The following ERCC6L2 variants were observed in gnomAD, a reference collection of about 807,000 sequenced individuals.
ERCC6L2 encodes ERCC excision repair 6 like 2.
In ERCC6L2, 77 loss-of-function variants were observed where a neutral mutation model predicts 132.0. The ratio of observed to expected loss-of-function variants is 0.58; its 90% CI spans 0.49 to 0.71. The LOEUF (loss-of-function observed/expected upper bound fraction) is 0.71. Ranked by LOEUF, ERCC6L2 falls within the 30% of genes least tolerant of loss-of-function variation. The probability of loss-of-function intolerance (pLI) is 0.00; values close to 1 mark genes in which losing one functional copy is unlikely to be tolerated. For missense variants in ERCC6L2, 1,542 were observed against 1,837.6 expected, an observed-to-expected ratio of 0.84 and a Z score of 2.94; for synonymous variants, 583 against 632.4, an observed-to-expected ratio of 0.92 and a Z score of 1.17.
chr9:95,932,157 C>T (rs577458659), intron 11 of ERCC6L2, among the ~76,000 whole-genome samples: 68 of 151,918 alleles, frequency 4.5e-4, no homozygotes, highest in African/African-American at 1.4e-3. Flanking sequence ...CTCCGCCTCC[C>T]GGATTTCAAG....
chr9:95,876,745 T>A (rs1004198198), intron 1 of ERCC6L2: 2 of 152,240 alleles, frequency 1.3e-5, no homozygotes, highest in Non-Finnish European at 2.9e-5. Context: ...GCTGATTGTT[T>A]ACTTGCTTTC....
intron 12 of ERCC6L2, among the ~76,000 whole-genome samples, chr9:95,950,669 A>T (rs1220448902): frequency 6.6e-6 from 1 of 152,198 alleles, no homozygotes; most frequent in Non-Finnish European, 1.5e-5. Flanking sequence ...GCAAATAGTA[A>T]CCAAAAGAGA....
chr9:96,026,328 G>A (rs1370452801), intron 19 of ERCC6L2, among the ~76,000 whole-genome samples: 1 of 152,206 alleles, frequency 6.6e-6, no homozygotes, highest in Non-Finnish European at 1.5e-5. Context: ...GGCAGAACCT[G>A]GCGGGAGCTC....
chr9:95,902,364 T>C (rs111391546), intron 3 of ERCC6L2, among the ~76,000 whole-genome samples: 3,590 of 152,268 alleles, frequency 0.024, 124 homozygotes, highest in African/African-American at 0.072. Context: ...GTAAAATTCA[T>C]AATTAATGCA....
chr9:95,893,195 A>G (rs929426754), intron 2 of ERCC6L2, among the ~76,000 whole-genome samples: 1 of 152,184 alleles, frequency 6.6e-6, no homozygotes, highest in East Asian at 1.9e-4. Flanking sequence ...TAAGGAATCT[A>G]AGAGTTAGGA....
chr9:96,005,179 G>A (rs1833824469), intron 18 of ERCC6L2, among the ~76,000 whole-genome samples: 1 of 152,094 alleles, frequency 6.6e-6, no homozygotes, highest in Non-Finnish European at 1.5e-5. Context: ...CGGGCGTGGT[G>A]GCGGGCACCT....
intron 4 of ERCC6L2, 63 bp downstream of exon 4, chr9:95,907,334 AAG>A: frequency 4.5e-5 from 46 of 1,011,284 alleles, no homozygotes; most frequent in Non-Finnish European, 5.6e-5. Context: ...CCTTTATATT[AAG>A]AGTTTTTTTT....
chr9:95,945,991 G>T (rs1209355402), intron 12 of ERCC6L2, among the ~76,000 whole-genome samples: 1 of 151,924 alleles, frequency 6.6e-6, no homozygotes, highest in South Asian at 2.1e-4. Flanking sequence ...AAAGACACAG[G>T]AAGTTGAAAA....
intron 17 of ERCC6L2, among the ~76,000 whole-genome samples, chr9:95,995,997 T>C (rs1319579604): frequency 6.6e-6 from 1 of 152,154 alleles, no homozygotes; most frequent in African/African-American, 2.4e-5. Flanking sequence ...GAGTCTCACA[T>C]CTCTCACATC....
intron 16 of ERCC6L2, among the ~76,000 whole-genome samples, 195 bp downstream of exon 16, chr9:95,973,283 C>T (rs1832511293): frequency 6.6e-6 from 1 of 152,040 alleles, no homozygotes; most frequent in Admixed American, 6.6e-5. Context: ...TGCCATCTAC[C>T]CCAGGACCCC....
Position 95,907,986 on chromosome 9 carries a change from C to G in ERCC6L2, c.788+715C>G, listed in dbSNP as rs28522471. 8.7e-3 allele frequency among the ~76,000 whole-genome samples: 1,327 copies of G among 152,104 alleles called. 26 individuals are homozygous for G. The highest frequency in any genetic ancestry group is 0.03 in the African/African-American group (1,259 of 41,492). ...GTACTTTGAGGATTTTGATCTTTAT[C>G]CTGAGAGCAATAGAGTGCCCCCTAC... On this transcript the variant is annotated intron_variant, in intron 4 of 18. Coordinates refer to ENST00000653738, the MANE Select transcript of ERCC6L2 (RefSeq NM_020207.7).
intron 3 of ERCC6L2, among the ~76,000 whole-genome samples, chr9:95,904,076 A>G (rs1185197424): frequency 2.0e-5 from 3 of 151,946 alleles, no homozygotes; most frequent in Non-Finnish European, 4.4e-5. Context: ...ATGATCAGCT[A>G]TACACACAGT....
chr9:96,006,413 C>T (rs1243071953), intron 18 of ERCC6L2, among the ~76,000 whole-genome samples: 2 of 152,226 alleles, frequency 1.3e-5, no homozygotes, highest in African/African-American at 4.8e-5. Context: ...TCAGCAGGCA[C>T]CTTGGCAGGA....
At chr9:95,940,809 T>C (rs1830764013) in intron 11 of ERCC6L2, among the ~76,000 whole-genome samples, 1 of 152,160 alleles carries the variant, frequency 6.6e-6, no homozygotes, top group Non-Finnish European at 1.5e-5. Flanking sequence ...TTCTTTTATA[T>C]CCTTGCCAAT....
chr9:95,998,732 A>G (rs1186872762), intron 17 of ERCC6L2, among the ~76,000 whole-genome samples: 1 of 152,216 alleles, frequency 6.6e-6, no homozygotes, highest in East Asian at 1.9e-4. Context: ...TAGCTTAGTG[A>G]GACCCATGTC....
chr9:96,012,510 C>T lies in ERCC6L2; in HGVS notation c.3960C>T (p.Thr1320=). 2 of 1,367,330 alleles carry T rather than the reference C, an allele frequency of 1.5e-6. No individual in the cohort carries two copies. The highest frequency in any genetic ancestry group is 2.9e-5 in the African/African-American group (2 of 67,812). The allele number at this position is 1,367,330 out of a possible 1,614,324, so 84.7% of individuals were successfully genotyped here. The part of the protein sequence containing the change: ...DSETLSFKDS[T]NKISQVCSLK... Reference sequence around the variant, plus strand: ...AAACCTTGTCATTTAAAGATTCTACCAACAAAATTTCTCAAGTTTGCAGCC... The same window carrying T: ...AAACCTTGTCATTTAAAGATTCTACTAACAAAATTTCTCAAGTTTGCAGCC... Residue 1320 remains threonine (T), a synonymous_variant, in exon 19 of 19, where the codon ACC becomes ACT. Coordinates refer to ENST00000653738, the MANE Select transcript of ERCC6L2 (RefSeq NM_020207.7).
chr9:95,931,819 G>T (rs1830351983), intron 11 of ERCC6L2, among the ~76,000 whole-genome samples: 1 of 152,008 alleles, frequency 6.6e-6, no homozygotes, highest in African/African-American at 2.4e-5. Context: ...GCTGGGTACA[G>T]TAGGCTTGTA....
At chr9:96,000,139 G>A (rs1179956309) in intron 17 of ERCC6L2, among the ~76,000 whole-genome samples, 2 of 151,902 alleles carry the variant, frequency 1.3e-5, no homozygotes, top group East Asian at 1.9e-4. Context: ...CGCCCACCTC[G>A]GCCTCCCAAA....
chr9:95,957,675 A>G (rs1372433471), intron 13 of ERCC6L2, among the ~76,000 whole-genome samples: 1 of 152,072 alleles, frequency 6.6e-6, no homozygotes, highest in Non-Finnish European at 1.5e-5. Flanking sequence ...GCAGTAGTAT[A>G]TGATAAAACA....
Sources: allele counts gnomAD v4.1 joint callset (sites outside exome capture counted in the v4.1 genomes callset), GRCh38; gene constraint gnomAD v4.1.1; transcripts MANE v1.5; gene names NCBI Gene and HGNC (gene_info 2026-07-23, HGNC 2026-07-21).